The following RAP2A variants were observed in gnomAD, a reference collection of about 807,000 sequenced individuals.
RAP2A encodes ras-related protein Rap-2a.
In RAP2A, 5 loss-of-function variants were observed where a neutral mutation model predicts 15.1. The observed-to-expected ratio is 0.33, with a 90% CI of 0.17 to 0.70. The LOEUF is 0.70. RAP2A is among the 30% of genes least tolerant of loss of function. The pLI, the probability that RAP2A is intolerant of heterozygous loss-of-function variation, is 0.68. For missense variants in RAP2A, 111 were observed against 240.3 expected (o/e 0.46, Z 3.56); for synonymous variants, 110 against 99.7 (o/e 1.10, Z -0.62).
chr13:97,435,334 G>T (rs945219928), intron 1 of RAP2A, among the ~76,000 whole-genome samples: 17 of 152,072 alleles, frequency 1.1e-4, no homozygotes, highest in African/African-American at 4.1e-4. Flanking sequence ...ATTATTTGAA[G>T]ACATCATAAG....
At chr13:97,452,339 G>A (rs1047901851) in intron 1 of RAP2A, among the ~76,000 whole-genome samples, 1 of 150,880 alleles carries the variant, frequency 6.6e-6, no homozygotes, top group Non-Finnish European at 1.5e-5. Context: ...GTTTTGTTTT[G>A]CATATGGCTA....
rs1424327801 is a variant in RAP2A at position 97,466,369 on chromosome 13, AGG to A, written c.*1928_*1929del. 6.6e-6 allele frequency: 1 copy of A among 152,200 alleles called. No homozygotes were observed. Among genetic ancestry groups the A allele is most frequent in the African/African-American group, 2.4e-5 (1 of 41,464 alleles). 9.4% of individuals were successfully genotyped at this position (152,200 alleles called of 1,614,324 possible). The stretch of plus-strand genomic sequence containing the variant: ...CTCAATTATGAACCACCTTGTTTAT[AGG>A]ACAAAAAAATTTAACCAATTTTATT... On this transcript the variant is annotated 3_prime_UTR_variant, in exon 2 of 2. Coordinates refer to ENST00000245304, the MANE Select transcript of RAP2A (RefSeq NM_021033.7).
intron 1 of RAP2A, among the ~76,000 whole-genome samples, chr13:97,460,638 T>C (rs1335495265): frequency 1.3e-5 from 2 of 152,226 alleles, no homozygotes; most frequent in Admixed American, 6.5e-5. Context: ...CTCACCCATC[T>C]TTCTTAAGGA....
intron 1 of RAP2A, among the ~76,000 whole-genome samples, chr13:97,445,689 C>T (rs957778199): frequency 6.6e-6 from 1 of 152,164 alleles, no homozygotes; most frequent in Non-Finnish European, 1.5e-5. Flanking sequence ...CTGTGTGGAG[C>T]TCTGTGCAGG....
intron 1 of RAP2A, among the ~76,000 whole-genome samples, chr13:97,463,715 G>C (rs536181030): frequency 9.6e-4 from 146 of 152,220 alleles, no homozygotes; most frequent in Non-Finnish European, 8.5e-4. Flanking sequence ...TCAGCCTCCC[G>C]AGTAGCTGGA....
chr13:97,434,643 C>T lies in RAP2A; in HGVS notation c.173C>T (p.Thr58Met). ...CCGTCGGTGCTGGAGATCCTGGACA[C>T]GGCGGGCACCGAGCAGTTCGCGTCC... ...SSPSVLEILD[T>M]AGTEQFASMR... is the part of the protein sequence containing the mutation. Residue 58 changes from threonine to methionine, a missense_variant, in exon 1 of 2, where the codon ACG becomes ATG. This residue lies in a region of RAP2A where 17 missense variants were observed against 79.7 expected (regional missense o/e 0.21). Transcript: ENST00000245304. 6.2e-7 allele frequency: 1 copy of T among 1,614,166 alleles called. No individual in the cohort carries two copies. The highest frequency in any genetic ancestry group is 1.3e-5 in the African/African-American group (1 of 75,048).
At chr13:97,461,515 T>C (rs1382034440) in intron 1 of RAP2A, among the ~76,000 whole-genome samples, 1 of 152,216 alleles carries the variant, frequency 6.6e-6, no homozygotes, top group African/African-American at 2.4e-5. Context: ...TTTACTGTTT[T>C]GAGAATTAGG....
chr13:97,456,421 T>G (rs2153180082), intron 1 of RAP2A, among the ~76,000 whole-genome samples: 1 of 152,314 alleles, frequency 6.6e-6, no homozygotes, highest in South Asian at 2.1e-4. Flanking sequence ...GAGTTTTTAT[T>G]TGTAATCAGC....
chr13:97,435,011 T>A (rs1387555707), intron 1 of RAP2A, among the ~76,000 whole-genome samples: 1 of 152,224 alleles, frequency 6.6e-6, no homozygotes, highest in Admixed American at 6.5e-5. Flanking sequence ...CTTTGTCTCT[T>A]GGACGTTGTT....
intron 1 of RAP2A, among the ~76,000 whole-genome samples, chr13:97,451,575 G>A (rs1397829626): frequency 1.3e-5 from 2 of 152,130 alleles, no homozygotes; most frequent in Admixed American, 6.6e-5. Flanking sequence ...TTGTTCTGTC[G>A]ATGGGGCATC....
In RAP2A at chr13:97,467,068, G is replaced by A. The variant is rs1028830546; in HGVS notation, c.*2626G>A. 6.6e-6 allele frequency: 1 copy of A among 152,608 alleles called. No individual in the cohort carries two copies. Among genetic ancestry groups the A allele is most frequent in the Non-Finnish European group, 1.5e-5 (1 of 68,022 alleles). The allele number at this position is 152,608 out of a possible 1,614,324, so 9.5% of individuals were successfully genotyped here. On this transcript the variant is annotated 3_prime_UTR_variant, in exon 2 of 2. Coordinates refer to ENST00000245304, the MANE Select transcript of RAP2A (RefSeq NM_021033.7). ...AGACTAGCAACTTAGATAAGTGAAA[G>A]TTTTTCTAACATGCCTTAAAAATAT...
intron 1 of RAP2A, among the ~76,000 whole-genome samples, chr13:97,459,398 CAG>C (rs138886855): frequency 0.038 from 5,738 of 152,270 alleles, 133 homozygotes; most frequent in Middle Eastern, 0.061. Context: ...TCCTAAATAA[CAG>C]AGTCAGCCCT....
chr13:97,438,526 C>CT (rs2066643665), intron 1 of RAP2A, among the ~76,000 whole-genome samples: 1 of 152,134 alleles, frequency 6.6e-6, no homozygotes, highest in African/African-American at 2.4e-5. Flanking sequence ...TAGCAATGAC[C>CT]TTGAACAGTA....
chr13:97,455,765 C>G (rs2066720459), intron 1 of RAP2A, among the ~76,000 whole-genome samples: 1 of 151,444 alleles, frequency 6.6e-6, no homozygotes, highest in Non-Finnish European at 1.5e-5. Context: ...TTGATTCATA[C>G]ACAGAATTAG....
intron 1 of RAP2A, among the ~76,000 whole-genome samples, chr13:97,452,068 C>T (rs1178311293): frequency 1.3e-5 from 2 of 151,232 alleles, no homozygotes; most frequent in East Asian, 1.9e-4. Context: ...TACCTTTCCC[C>T]AATCTTTGGC....
At chr13:97,452,634 TCACACACACACACACGCACA>T (rs1313031016) in intron 1 of RAP2A, among the ~76,000 whole-genome samples, 5 of 113,832 alleles carry the variant, frequency 4.4e-5, no homozygotes, top group Non-Finnish European at 9.9e-5. Context: ...CAAGAATCAG[TCACACACACACACACGCACA>T]CACACACACA....
chr13:97,446,009 G>T (rs1010599161), intron 1 of RAP2A, among the ~76,000 whole-genome samples: 1 of 152,184 alleles, frequency 6.6e-6, no homozygotes, highest in South Asian at 2.1e-4. Context: ...ACTAAGTAAT[G>T]AGTCCTGAAG....
In RAP2A at chr13:97,464,592, G is replaced by A. The variant is rs2139043674; in HGVS notation, c.*150G>A. 1 of 734,718 alleles carries A rather than the reference G, an allele frequency of 1.4e-6. No individual in the cohort carries two copies. Among genetic ancestry groups the A allele is most frequent in the East Asian group, 2.5e-5 (1 of 39,288 alleles). 45.5% of individuals were successfully genotyped at this position (734,718 alleles called of 1,614,324 possible). On this transcript the variant is annotated 3_prime_UTR_variant, in exon 2 of 2. Coordinates refer to ENST00000245304, the MANE Select transcript of RAP2A (RefSeq NM_021033.7). ...CAGAATTGAGCAGTGATTGTCAGTT[G>A]ATATCTCTGAGTAACATTTGGGTTC...
intron 1 of RAP2A, among the ~76,000 whole-genome samples, chr13:97,438,493 G>A (rs2066643488): frequency 6.6e-6 from 1 of 152,132 alleles, no homozygotes; most frequent in East Asian, 1.9e-4. Context: ...GGTTGCAAAT[G>A]TTTTTTGTGA....
Sources: gnomAD v4.1 joint callset for allele counts (sites outside exome capture counted in the v4.1 genomes callset) on GRCh38, gnomAD v4.1.1 for gene constraint, gnomAD v4.1.1 regional missense constraint, MANE v1.5 for transcripts, NCBI Gene and HGNC (gene_info 2026-07-23, HGNC 2026-07-21) for gene names.